STIM2: variants seen among roughly 807,000 people sequenced by gnomAD.
STIM2 encodes stromal interaction molecule 2.
In STIM2, 31 loss-of-function variants were observed where a neutral mutation model predicts 85.8. That is an observed-to-expected ratio of 0.36 (90% CI 0.27 to 0.49). STIM2 has a LOEUF of 0.49. STIM2 is among the 20% of genes least tolerant of loss of function. The probability of loss-of-function intolerance (pLI) is 0.98; values close to 1 mark genes in which losing one functional copy is unlikely to be tolerated. For missense variants in STIM2, 841 were observed against 927.6 expected, an observed-to-expected ratio of 0.91 and a Z score of 1.21; for synonymous variants, 356 against 331.1, an observed-to-expected ratio of 1.08 and a Z score of -0.82.
intron 1 of STIM2, among the ~76,000 whole-genome samples, chr4:26,887,425 A>G (rs1349909008): frequency 6.6e-6 from 1 of 152,032 alleles, no homozygotes; most frequent in African/African-American, 2.4e-5. Flanking sequence ...AATTACAGGA[A>G]CTTCTCCGGT....
chr4:26,941,042 T>C (rs1037592271), intron 2 of STIM2, among the ~76,000 whole-genome samples: 6 of 152,186 alleles, frequency 3.9e-5, no homozygotes, highest in African/African-American at 1.4e-4. Context: ...CATGATCTTT[T>C]ACAGTCTGGT....
At chr4:26,875,938 A>G (rs973802794) in intron 1 of STIM2, among the ~76,000 whole-genome samples, 1 of 152,198 alleles carries the variant, frequency 6.6e-6, no homozygotes, top group South Asian at 2.1e-4. Flanking sequence ...TTTTATTATT[A>G]GGAAGAGTTC....
chr4:26,973,127 C>G (rs1288768417), intron 3 of STIM2, among the ~76,000 whole-genome samples: 2 of 152,068 alleles, frequency 1.3e-5, no homozygotes, highest in Non-Finnish European at 2.9e-5. Flanking sequence ...TGATTCTTCT[C>G]TCTTTTCTTC....
chr4:26,962,647 C>T (rs551870196), intron 3 of STIM2, among the ~76,000 whole-genome samples: 200 of 151,496 alleles, frequency 1.3e-3, no homozygotes, highest in African/African-American at 4.6e-3. Context: ...GGTCAAGTTG[C>T]ACATGGCAGC....
In STIM2 at chr4:27,022,601, A is replaced by G; in HGVS notation, c.1846A>G (p.Ile616Val). 6.2e-7 allele frequency: 1 copy of G among 1,613,998 alleles called. No homozygotes were observed. The highest frequency in any genetic ancestry group is 8.5e-7 in the Non-Finnish European group (1 of 1,179,858). The stretch of plus-strand genomic sequence containing the variant: ...ACAGTCTCCTCCTTTAAGCCTCGAG[A>G]TATACCAAACATTATCTCCGCGAAA... Residue 616 changes from isoleucine (I) to valine (V), a missense_variant, in exon 12 of 12, where the codon ATA becomes GTA. Transcript: ENST00000467087.
intron 3 of STIM2, among the ~76,000 whole-genome samples, chr4:26,985,391 A>G (rs961988990): frequency 1.8e-4 from 27 of 152,200 alleles, no homozygotes; most frequent in Non-Finnish European, 3.5e-4. Flanking sequence ...TGTAACTTGT[A>G]ACACTCAATT....
At chr4:26,886,099 C>T (rs918358209) in intron 1 of STIM2, among the ~76,000 whole-genome samples, 2 of 151,892 alleles carry the variant, frequency 1.3e-5, no homozygotes, top group Non-Finnish European at 2.9e-5. Context: ...CAGAGGAGAA[C>T]TGTGACGGGC....
rs766712491 is a variant in STIM2, at chr4:27,022,599, A to G, written c.1844A>G (p.Glu615Gly). The G allele has an allele frequency of 2.5e-6, 4 of 1,613,864 alleles. No individual in the cohort carries two copies. In the African/African-American group the frequency reaches 5.3e-5, roughly 22 times the overall value. The change falls in exon 12 of 12, where the codon GAG becomes GGG. Residue 615 changes from glutamate to glycine, a missense_variant. Physicochemically the swap from Glu to Gly is moderately conservative, Grantham distance 98. This residue lies in a region of STIM2 where 293 missense variants were observed against 284.5 expected (regional missense o/e 1.03). Transcript: ENST00000467087. The stretch of plus-strand genomic sequence containing the variant: ...AAACAGTCTCCTCCTTTAAGCCTCG[A>G]GATATACCAAACATTATCTCCGCGA...
chr4:26,908,456 CAAGTA>C (rs1724210605), intron 1 of STIM2, among the ~76,000 whole-genome samples: 1 of 152,028 alleles, frequency 6.6e-6, no homozygotes, highest in Non-Finnish European at 1.5e-5. Flanking sequence ...ATTAGATAAT[CAAGTA>C]AAGCACCCAG....
chr4:26,981,220 A>G (rs1387375847), intron 3 of STIM2, among the ~76,000 whole-genome samples: 2 of 152,214 alleles, frequency 1.3e-5, no homozygotes, highest in Non-Finnish European at 2.9e-5. Context: ...AATCTCGCTA[A>G]TAAGTACCCA....
Position 26,885,871 on chromosome 4 carries a change from A to ATG in STIM2, c.151+24503_151+24504insGT, listed in dbSNP as rs1436952994. Among the ~76,000 whole-genome samples, 288 of 117,830 alleles carry ATG rather than the reference A, an allele frequency of 2.4e-3. 5 individuals are homozygous for ATG. The highest frequency in any genetic ancestry group is 0.012 in the Middle Eastern group (3 of 250). The allele number at this position is 117,830 out of a possible 152,430, so 77.3% of individuals were successfully genotyped here. ...TATATATATATATATATATATATAT[A>ATG]TATGTATATGTCTATTCATGTAAAT... is the stretch of plus-strand genomic sequence containing the variant. On this transcript the variant is annotated intron_variant, in intron 1 of 11. Coordinates refer to ENST00000467087, the MANE Select transcript of STIM2 (RefSeq NM_020860.4).
intron 11 of STIM2, among the ~76,000 whole-genome samples, chr4:27,019,084 A>G (rs1728828583): frequency 6.6e-6 from 1 of 152,196 alleles, no homozygotes; most frequent in Non-Finnish European, 1.5e-5. Flanking sequence ...TAAAAGCAGT[A>G]TGGTATTGAG....
chr4:26,943,855 A>G (rs1444320629), intron 2 of STIM2, among the ~76,000 whole-genome samples: 1 of 152,104 alleles, frequency 6.6e-6, no homozygotes, highest in Non-Finnish European at 1.5e-5. Flanking sequence ...CACACTGAAA[A>G]TTTTGATTCT....
intron 8 of STIM2, chr4:27,008,027 A>T (rs1728427944): frequency 1.4e-6 from 1 of 715,782 alleles, no homozygotes; most frequent in East Asian, 2.7e-5. Context: ...ACTGGAAATT[A>T]ACTTTGACAC....
At chr4:27,021,136 C>A in intron 11 of STIM2, 1 of 1,376,768 alleles carries the variant, frequency 7.3e-7, no homozygotes, top group Non-Finnish European at 1.0e-6. Flanking sequence ...CCCACCCTTC[C>A]ATTCATTCAT....
At chr4:27,021,532 C>T (rs974657265) in intron 11 of STIM2, 1 of 456,570 alleles carries the variant, frequency 2.2e-6, no homozygotes, top group Non-Finnish European at 4.4e-6. Context: ...AGCCAGGGAC[C>T]ACATGTACAC....
chr4:26,873,915 G>A, intron 1 of STIM2: 1 of 1,368,270 alleles, frequency 7.3e-7, no homozygotes, highest in East Asian at 2.4e-5. Context: ...GAGTGGACAG[G>A]GGCGCCTCCA....
Position 26,861,352 on chromosome 4 carries a change from G to A in STIM2, c.134G>A (p.Ser45Asn), listed in dbSNP as rs1722179330. Residue 45 changes from serine (S) to asparagine (N), a missense_variant, in exon 1 of 12, where the codon AGC becomes AAC. Around this residue, in one of 3 missense-constraint regions of STIM2, gnomAD observed 140 missense variants for 117.7 expected, o/e 1.19. Transcript: ENST00000467087. ...TCTCCCGCCGCGGCGGCCGGCGATA[G>A]CCCGGCGCTCATGACAGGTGAGGGG... 3 of 1,359,988 alleles carry A rather than the reference G, an allele frequency of 2.2e-6. No homozygotes were observed. Among genetic ancestry groups the A allele is most frequent in the African/African-American group, 1.5e-5 (1 of 65,608 alleles). 84.2% of individuals were successfully genotyped at this position (1,359,988 alleles called of 1,614,324 possible).
chr4:26,895,370 C>A (rs897338871), intron 1 of STIM2, among the ~76,000 whole-genome samples: 13 of 152,008 alleles, frequency 8.6e-5, no homozygotes, highest in Non-Finnish European at 1.8e-4. Flanking sequence ...CTCTTTGATT[C>A]AAAACATAAA....
Sources: allele counts gnomAD v4.1 joint callset (sites outside exome capture counted in the v4.1 genomes callset), GRCh38; gene constraint gnomAD v4.1.1; regional missense constraint gnomAD v4.1.1; transcripts MANE v1.5; gene names NCBI Gene and HGNC (gene_info 2026-07-23, HGNC 2026-07-21).